Variants in FAM3B observed in about 807,000 individuals in gnomAD.
FAM3B encodes protein FAM3B.
Under a neutral mutation model 28.4 loss-of-function variants are expected in FAM3B, and 29 were observed. That is an observed-to-expected ratio of 1.02 (90% confidence interval 0.76 to 1.39). The LOEUF is 1.39. FAM3B is among the 40% of genes most tolerant of loss of function. FAM3B has a pLI of 0.00. For synonymous variants in FAM3B, 91 were observed against 103.0 expected (o/e 0.88, Z 0.71); for missense variants, 266 against 293.9 (o/e 0.91, Z 0.69).
At chr21:41,318,465 C>T (rs1417262278) in intron 1 of FAM3B, among the ~76,000 whole-genome samples, 3 of 152,158 alleles carry the variant, frequency 2.0e-5, no homozygotes, top group Non-Finnish European at 4.4e-5. Context: ...AGGCCGGTTA[C>T]GCTGCACTCC....
intron 7 of FAM3B, among the ~76,000 whole-genome samples, chr21:41,356,087 A>G (rs2089165363): frequency 7.8e-6 from 1 of 128,038 alleles, no homozygotes; most frequent in South Asian, 2.2e-4. Context: ...ACACACACAT[A>G]GTTTTACTCC....
rs2088858617 is a variant in FAM3B at position 41,326,793 on chromosome 21, G to A, written c.163+3727G>A. Among the ~76,000 whole-genome samples, 2 of 152,198 alleles carry A rather than the reference G, an allele frequency of 1.3e-5. No homozygotes were observed. The highest frequency in any genetic ancestry group is 3.9e-4 in the East Asian group (2 of 5,194). On this transcript the variant is annotated intron_variant, in intron 2 of 7. Transcript: ENST00000357985. The surrounding 1 kb of genome is among the most constrained non-coding windows in gnomAD (Gnocchi z 4.0). ...TGTGTAGTAGGCCTGTGTACCCTGA[G>A]CCCCAGCCCCTGAGGCAGGAGGAGG... is the stretch of plus-strand genomic sequence containing the variant.
In FAM3B at chr21:41,357,242, G is replaced by T. The variant is rs1170433892; in HGVS notation, c.*45G>T. ...AATGTGTTCTGTATAAACAAATGCA[G>T]CTGGAATCGCTCAAGAATCTTATTT... On this transcript the variant is annotated 3_prime_UTR_variant, in exon 8 of 8. Coordinates refer to ENST00000357985, the MANE Select transcript of FAM3B (RefSeq NM_058186.4). The T allele has an allele frequency of 7.6e-7, 1 of 1,324,000 alleles. No homozygotes were observed. The highest frequency in any genetic ancestry group is 1.1e-6 in the Non-Finnish European group (1 of 939,138). The allele number at this position is 1,324,000 out of a possible 1,614,324, so 82.0% of individuals were successfully genotyped here.
chr21:41,331,992 C>A (rs2088910405), intron 2 of FAM3B, among the ~76,000 whole-genome samples: 1 of 152,168 alleles, frequency 6.6e-6, no homozygotes, highest in South Asian at 2.1e-4. Flanking sequence ...TGGCCCTGCC[C>A]AAATCTCATT....
At chr21:41,342,833 G>A (rs144921065) in intron 3 of FAM3B, among the ~76,000 whole-genome samples, 11 of 152,192 alleles carry the variant, frequency 7.2e-5, no homozygotes, top group African/African-American at 2.6e-4. Flanking sequence ...TTTTCTGCTG[G>A]TTCCATTGTC....
chr21:41,324,584 T>A (rs946522330), intron 2 of FAM3B, among the ~76,000 whole-genome samples: 3 of 152,226 alleles, frequency 2.0e-5, no homozygotes, highest in Non-Finnish European at 2.9e-5. Flanking sequence ...GACTGAATTA[T>A]CGCCGAAGGA....
chr21:41,348,588 G>A lies in FAM3B; in HGVS notation c.486-4G>A, dbSNP rs2145830356. 6.2e-7 allele frequency: 1 copy of A among 1,614,148 alleles called. No homozygotes were observed. Among genetic ancestry groups the A allele is most frequent in the Middle Eastern group, 1.6e-4 (1 of 6,062 alleles). ...GCTCACATGCTTTTCCCTTTGTCCT[G>A]CAGACTGAATAACGATGCCAAGAAT... is the stretch of plus-strand genomic sequence containing the variant. On this transcript the variant is annotated splice_region_variant and splice_polypyrimidine_tract_variant and intron_variant, in intron 6 of 7. Transcript: ENST00000357985.
At chr21:41,345,973 C>A in intron 5 of FAM3B, 1 of 376,940 alleles carries the variant, frequency 2.7e-6, no homozygotes, top group Non-Finnish European at 4.8e-6. Context: ...CTCAGTCTTT[C>A]TCTTTTTAGC....
intron 1 of FAM3B, chr21:41,322,499 T>G (rs917696477): frequency 4.3e-6 from 3 of 691,240 alleles, no homozygotes; most frequent in Non-Finnish European, 8.2e-6. Context: ...AGACAGAGCT[T>G]TACCCCTGAA....
chr21:41,351,277 A>C (rs1198716427), intron 7 of FAM3B, among the ~76,000 whole-genome samples: 1 of 152,248 alleles, frequency 6.6e-6, no homozygotes, highest in Admixed American at 6.5e-5. Flanking sequence ...CGTCAAAGCC[A>C]GGGCTGAGTT....
intron 2 of FAM3B, 50 bp from the exon 3 acceptor site, chr21:41,338,328 G>A (rs2088973629): frequency 6.2e-7 from 1 of 1,605,590 alleles, no homozygotes; most frequent in Non-Finnish European, 8.5e-7. Context: ...AGGTGCATCT[G>A]TAAATTACTG....
intron 1 of FAM3B, 57 bp from the exon 2 acceptor site, chr21:41,322,866 A>G (rs761451376): frequency 1.2e-6 from 2 of 1,614,114 alleles, no homozygotes; most frequent in Admixed American, 3.3e-5. Context: ...GGGGAGGGCC[A>G]AGGGCCAGGG....
At chr21:41,343,713 G>A (rs2145823958) in intron 3 of FAM3B, among the ~76,000 whole-genome samples, 1 of 152,264 alleles carries the variant, frequency 6.6e-6, no homozygotes, top group Admixed American at 6.5e-5. Flanking sequence ...CACAATTTCT[G>A]TGATCTTCAG....
At chr21:41,316,603 G>T (rs1298379253), upstream of FAM3B, 1 of 354,808 alleles carries the variant, frequency 2.8e-6, no homozygotes, top group South Asian at 1.3e-4. Flanking sequence ...CTGGCCCGGG[G>T]TCAGCCCGGC....
At chr21:41,305,359 C>G (rs2088677986) in intron 1 of FAM3B, among the ~76,000 whole-genome samples, 1 of 152,196 alleles carries the variant, frequency 6.6e-6, no homozygotes, top group South Asian at 2.1e-4. Flanking sequence ...CACGTGGCCA[C>G]TCAGTCTCAC....
chr21:41,353,520 A>G (rs2089139648), intron 7 of FAM3B, among the ~76,000 whole-genome samples: 1 of 152,246 alleles, frequency 6.6e-6, no homozygotes, highest in Non-Finnish European at 1.5e-5. Flanking sequence ...TTTTTGATCA[A>G]TTGACTTTAG....
intron 2 of FAM3B, among the ~76,000 whole-genome samples, chr21:41,327,706 C>A (rs985066229): frequency 3.4e-4 from 52 of 152,200 alleles, no homozygotes; most frequent in African/African-American, 1.2e-3. Context: ...GTCTTCAGAC[C>A]ATTTGCTCAC....
chr21:41,317,498 G>A (rs1568910624), intron 1 of FAM3B, among the ~76,000 whole-genome samples: 1 of 152,182 alleles, frequency 6.6e-6, no homozygotes, highest in East Asian at 1.9e-4. Context: ...CTGCGCCTCT[G>A]TCCTCTGTCA....
intron 2 of FAM3B, among the ~76,000 whole-genome samples, chr21:41,328,378 A>G (rs2088873037): frequency 6.6e-6 from 1 of 152,224 alleles, no homozygotes; most frequent in African/African-American, 2.4e-5. Context: ...ATTAAATTGA[A>G]AAAAGGTACT....
Sources: gnomAD v4.1 joint callset for allele counts (sites outside exome capture counted in the v4.1 genomes callset) on GRCh38, gnomAD v4.1.1 for gene constraint, Gnocchi (gnomAD v3.1) non-coding constraint, MANE v1.5 for transcripts, NCBI Gene and HGNC (gene_info 2026-07-23, HGNC 2026-07-21) for gene names.